The following ARHGAP24 variants were observed in gnomAD, a reference collection of about 807,000 sequenced individuals.
ARHGAP24 encodes the protein rho GTPase-activating protein 24.
Under a neutral mutation model 76.4 loss-of-function variants are expected in ARHGAP24, and 50 were observed. The observed-to-expected ratio is 0.65, with a 90% confidence interval of 0.52 to 0.83. The LOEUF is 0.83. Among genes scored for constraint, ARHGAP24 ranks in the 40% least tolerant of loss-of-function variants. ARHGAP24 has a pLI of 0.00. For missense variants in ARHGAP24, 930 were observed against 914.2 expected, an observed-to-expected ratio of 1.02 and a Z score of -0.22; for synonymous variants, 345 against 323.3, an observed-to-expected ratio of 1.07 and a Z score of -0.72.
At chr4:85,807,987 T>A (rs895748513) in intron 3 of ARHGAP24, among the ~76,000 whole-genome samples, 7 of 152,142 alleles carry the variant, frequency 4.6e-5, no homozygotes, top group African/African-American at 1.7e-4. Context: ...ATAAATACAG[T>A]GTTGAGGTGT....
chr4:85,794,716 C>T (rs374575114), intron 3 of ARHGAP24, among the ~76,000 whole-genome samples: 9 of 152,330 alleles, frequency 5.9e-5, no homozygotes, highest in Admixed American at 3.3e-4. Flanking sequence ...CTCCTGACCT[C>T]GTGATCTGCC....
At chr4:85,970,912 A>G (rs1204656385) in intron 5 of ARHGAP24, among the ~76,000 whole-genome samples, 2 of 152,240 alleles carry the variant, frequency 1.3e-5, no homozygotes, top group African/African-American at 4.8e-5. Context: ...TGTCTTTACT[A>G]TCATCCATCT....
chr4:85,687,638 T>C (rs1723476659), intron 2 of ARHGAP24, among the ~76,000 whole-genome samples: 1 of 152,236 alleles, frequency 6.6e-6, no homozygotes, highest in Non-Finnish European at 1.5e-5. Flanking sequence ...ATATATACCA[T>C]ATATTCTTTA....
At chr4:85,795,809 A>G (rs1178560955) in intron 3 of ARHGAP24, among the ~76,000 whole-genome samples, 2 of 152,226 alleles carry the variant, frequency 1.3e-5, no homozygotes, top group Non-Finnish European at 2.9e-5. Context: ...AACTTGTAGT[A>G]TTTCTTTGCT....
At chr4:85,769,512 A>G (rs1560623859) in intron 3 of ARHGAP24, among the ~76,000 whole-genome samples, 1 of 152,168 alleles carries the variant, frequency 6.6e-6, no homozygotes, top group Non-Finnish European at 1.5e-5. Context: ...CCAAAAACCC[A>G]TTTGTGTATA....
intron 9 of ARHGAP24, among the ~76,000 whole-genome samples, chr4:85,998,616 C>T (rs1335802173): frequency 2.0e-5 from 3 of 152,118 alleles, no homozygotes; most frequent in African/African-American, 7.2e-5. Context: ...TCTTTGTTAA[C>T]TTCTTTTTTC....
intron 9 of ARHGAP24, among the ~76,000 whole-genome samples, chr4:85,998,462 T>C (rs924884450): frequency 1.3e-5 from 2 of 152,284 alleles, no homozygotes; most frequent in African/African-American, 4.8e-5. Context: ...CTTTGTTTGA[T>C]GATTTGATCT....
At chr4:85,837,038 A>T (rs1730329659) in intron 3 of ARHGAP24, among the ~76,000 whole-genome samples, 1 of 149,182 alleles carries the variant, frequency 6.7e-6, no homozygotes, top group Non-Finnish European at 1.5e-5. Context: ...CATAGCAAGT[A>T]TGGGGTCATC....
At chr4:85,721,825 T>C (rs1724953350) in intron 2 of ARHGAP24, 60 bp from the exon 3 acceptor site, 1 of 1,393,266 alleles carries the variant, frequency 7.2e-7, no homozygotes, top group Non-Finnish European at 1.0e-6. Flanking sequence ...CTGATTATAA[T>C]GATGATATAT....
intron 2 of ARHGAP24, among the ~76,000 whole-genome samples, chr4:85,663,099 T>C (rs1003178309): frequency 6.6e-6 from 1 of 151,878 alleles, no homozygotes; most frequent in Non-Finnish European, 1.5e-5. Context: ...ATCTATAAAT[T>C]ACCTCGGGCA....
intron 5 of ARHGAP24, among the ~76,000 whole-genome samples, chr4:85,966,736 G>C (rs747531123): frequency 1.3e-5 from 2 of 152,084 alleles, no homozygotes; most frequent in African/African-American, 4.8e-5. Flanking sequence ...TCTCATGTAC[G>C]TTCTCCCTGG....
intron 2 of ARHGAP24, among the ~76,000 whole-genome samples, chr4:85,656,687 C>T (rs6815721): frequency 0.024 from 3,685 of 151,996 alleles, 138 homozygotes; most frequent in African/African-American, 0.084. Flanking sequence ...AGGATGGTCT[C>T]GATCTCCTGA....
chr4:85,663,642 A>G (rs1031751612), intron 2 of ARHGAP24, among the ~76,000 whole-genome samples: 13 of 150,904 alleles, frequency 8.6e-5, no homozygotes, highest in Admixed American at 4.0e-4. Context: ...TCAGTATGAT[A>G]TTGGCTGTGG....
chr4:85,481,145 C>T (rs757569308), intron 1 of ARHGAP24, among the ~76,000 whole-genome samples: 31 of 152,222 alleles, frequency 2.0e-4, no homozygotes, highest in Middle Eastern at 3.4e-3. Flanking sequence ...TACATTACTT[C>T]TGATTTTAGT....
chr4:85,551,468 A>G (rs982767270), intron 1 of ARHGAP24, among the ~76,000 whole-genome samples: 6 of 152,144 alleles, frequency 3.9e-5, no homozygotes, highest in Non-Finnish European at 8.8e-5. Flanking sequence ...ATGTGCATCA[A>G]GGATATCGGC....
In ARHGAP24 at chr4:85,818,100, T is replaced by A. The variant is rs11934007; in HGVS notation, c.268+96128T>A. Among the ~76,000 whole-genome samples the A allele has an allele frequency of 9.5e-3, 1,440 of 152,250 alleles. 27 individuals carry two copies. The highest frequency in any genetic ancestry group is 0.032 in the African/African-American group (1,348 of 41,540). On this transcript the variant is annotated intron_variant, in intron 3 of 9. Coordinates refer to ENST00000395184, the MANE Select transcript of ARHGAP24 (RefSeq NM_001025616.3). ...AAGAAGTTGCAACTTTGGCATAAAT[T>A]TGTATGGCAGAGAAGGACAAAAAGG...
chr4:85,860,752 A>G (rs1308919864), intron 3 of ARHGAP24, among the ~76,000 whole-genome samples: 2 of 152,080 alleles, frequency 1.3e-5, no homozygotes, highest in African/African-American at 4.8e-5. Context: ...CATCCATCTT[A>G]TCTATTCATT....
intron 3 of ARHGAP24, among the ~76,000 whole-genome samples, chr4:85,777,625 C>T (rs1398979915): frequency 6.6e-6 from 1 of 152,110 alleles, no homozygotes; most frequent in African/African-American, 2.4e-5. Flanking sequence ...CAGAAGTAGT[C>T]ATAGAGAATT....
intron 2 of ARHGAP24, among the ~76,000 whole-genome samples, chr4:85,680,407 C>T (rs1020759241): frequency 6.6e-6 from 1 of 152,132 alleles, no homozygotes. Context: ...GTGAAAACGA[C>T]TTGCAAAATT....
Sources: allele counts gnomAD v4.1 joint callset (sites outside exome capture counted in the v4.1 genomes callset), GRCh38; gene constraint gnomAD v4.1.1; transcripts MANE v1.5; gene names NCBI Gene and HGNC (gene_info 2026-07-23, HGNC 2026-07-21).